Variants in KY observed in about 807,000 individuals in gnomAD.
KY encodes the protein kyphoscoliosis peptidase.
In KY, 43 loss-of-function variants were observed where a neutral mutation model predicts 76.1. That is an observed-to-expected ratio of 0.57 (90% CI 0.44 to 0.73). KY has a LOEUF of 0.73. KY is among the 30% of genes least tolerant of loss of function. The probability of loss-of-function intolerance (pLI) is 0.00; values close to 1 mark genes in which losing one functional copy is unlikely to be tolerated. For synonymous variants in KY, 277 were observed against 326.2 expected (o/e 0.85, Z 1.63); for missense variants, 722 against 828.9 (o/e 0.87, Z 1.58).
chr3:134,601,742 G>A lies in KY; in HGVS notation c.*1837C>T, dbSNP rs1430121315. ...ACACCCCTTTTGCTCGAGGCCGCCG[G>A]CCTGTTGGATGATGGGCACCCTTGT... On this transcript the variant is annotated 3_prime_UTR_variant, in exon 11 of 11. Coordinates refer to ENST00000423778, the MANE Select transcript of KY (RefSeq NM_178554.6). 6.6e-6 allele frequency among the ~76,000 whole-genome samples: 1 copy of A among 152,244 alleles called. No individual in the cohort carries two copies. Among genetic ancestry groups the A allele is most frequent in the East Asian group, 1.9e-4 (1 of 5,198 alleles).
chr3:134,641,010 A>C (rs1965679703), intron 3 of KY: 1 of 151,890 alleles, frequency 6.6e-6, no homozygotes. Flanking sequence ...TGCTACCCCC[A>C]CCTTGCCCAT....
At chr3:134,648,698 C>T (rs140795751) in intron 1 of KY, among the ~76,000 whole-genome samples, 4 of 152,256 alleles carry the variant, frequency 2.6e-5, no homozygotes, top group African/African-American at 7.2e-5. Flanking sequence ...GCCTTCTTGT[C>T]CCCCTGACTC....
intron 9 of KY, 79 bp downstream of exon 9, chr3:134,610,116 C>T (rs1960100262): frequency 2.0e-6 from 3 of 1,476,436 alleles, no homozygotes; most frequent in South Asian, 2.5e-5. Flanking sequence ...TGGTCTTCTC[C>T]ACCTGCTGCT....
chr3:134,610,135 C>A, intron 9 of KY, 60 bp downstream of exon 9: 4 of 1,541,068 alleles, frequency 2.6e-6, no homozygotes, highest in Middle Eastern at 1.7e-4. Flanking sequence ...CTTCATGCTG[C>A]CTGGCACATC....
intron 10 of KY, chr3:134,607,629 A>G: frequency 1.0e-6 from 1 of 985,656 alleles, no homozygotes; most frequent in South Asian, 4.7e-5. Context: ...GGCATAAGAG[A>G]CAATCTTCCA....
chr3:134,630,618 C>G (rs1279039248), intron 3 of KY, among the ~76,000 whole-genome samples: 1 of 152,214 alleles, frequency 6.6e-6, no homozygotes, highest in Non-Finnish European at 1.5e-5. Context: ...TCATCCTAAA[C>G]ATCATACCAC....
At chr3:134,645,940 C>T (rs953396401) in intron 2 of KY, among the ~76,000 whole-genome samples, 9 of 152,158 alleles carry the variant, frequency 5.9e-5, no homozygotes, top group African/African-American at 2.2e-4. Context: ...CAGTGTATTT[C>T]AATCCTCTCC....
intron 2 of KY, among the ~76,000 whole-genome samples, chr3:134,646,464 C>A (rs1358083763): frequency 6.6e-6 from 1 of 152,138 alleles, no homozygotes; most frequent in Admixed American, 6.5e-5. Context: ...CCCCTGAGGG[C>A]AGTGTTCTTG....
intron 3 of KY, among the ~76,000 whole-genome samples, chr3:134,630,868 G>C (rs13089566): frequency 0.33 from 50,167 of 152,022 alleles, 8,604 homozygotes; most frequent in African/African-American, 0.37. Flanking sequence ...AAACAGTTTT[G>C]AGATAAATGG....
intron 8 of KY, among the ~76,000 whole-genome samples, chr3:134,614,242 G>T (rs1360339321): frequency 1.3e-5 from 2 of 152,156 alleles, no homozygotes; most frequent in Non-Finnish European, 2.9e-5. Context: ...ACCTCCTGAA[G>T]AGCTCCGACC....
rs567277595 is a variant in KY, at chr3:134,621,423, G to A, written c.484-566C>T. ...CCAGAAATGGACCCACATATCTACGGTTAGTGGATCTTTGACAAGGGTGTC... is the reference window on the plus strand; with the variant it reads ...CCAGAAATGGACCCACATATCTACGATTAGTGGATCTTTGACAAGGGTGTC... On this transcript the variant is annotated intron_variant, in intron 6 of 10. Transcript: ENST00000423778. Among the ~76,000 whole-genome samples the A allele has an allele frequency of 8.5e-5, 13 of 152,322 alleles. No individual in the cohort carries two copies. The East Asian group carries it at 2.3e-3, about 27-fold the overall frequency.
intron 4 of KY, 66 bp from the exon 5 acceptor site, chr3:134,627,884 C>CCACCAGAAGGTGAG: frequency 1.6e-6 from 2 of 1,283,110 alleles, no homozygotes; most frequent in Non-Finnish European, 2.3e-6. Context: ...GCACTGATGA[C>CCACCAGAAGGTGAG]TCACCTTCTG....
At chr3:134,611,119 G>A (rs1357945712) in intron 8 of KY, among the ~76,000 whole-genome samples, 1 of 152,180 alleles carries the variant, frequency 6.6e-6, no homozygotes, top group East Asian at 1.9e-4. Flanking sequence ...GCCTGCCCTG[G>A]CCACAATTCT....
intron 6 of KY, among the ~76,000 whole-genome samples, chr3:134,623,767 C>T (rs1201302383): frequency 3.3e-5 from 5 of 152,138 alleles, no homozygotes. Flanking sequence ...GGCGTCTGTC[C>T]TGATCTCACT....
intron 8 of KY, chr3:134,613,004 G>A (rs1440261746): frequency 6.5e-6 from 1 of 154,184 alleles, no homozygotes; most frequent in Non-Finnish European, 1.5e-5. Flanking sequence ...ATATTCTTCA[G>A]GAAATTACTT....
chr3:134,646,204 C>T (rs926033805), intron 2 of KY, among the ~76,000 whole-genome samples: 1 of 152,178 alleles, frequency 6.6e-6, no homozygotes, highest in East Asian at 1.9e-4. Context: ...GTTTTGTTAG[C>T]TTTGGCGTCT....
chr3:134,617,656 A>G (rs1961809398), intron 8 of KY, among the ~76,000 whole-genome samples: 2 of 152,194 alleles, frequency 1.3e-5, no homozygotes, highest in South Asian at 4.1e-4. Flanking sequence ...GGTATTTTTT[A>G]AATTTAAAAA....
intron 3 of KY, among the ~76,000 whole-genome samples, chr3:134,637,964 T>C (rs1026671555): frequency 2.6e-5 from 4 of 152,242 alleles, no homozygotes; most frequent in African/African-American, 9.6e-5. Context: ...CTTTCTGTGA[T>C]TCCTCTTCCC....
intron 3 of KY, among the ~76,000 whole-genome samples, chr3:134,642,007 C>T (rs1965824815): frequency 6.6e-6 from 1 of 152,126 alleles, no homozygotes; most frequent in Admixed American, 6.5e-5. Flanking sequence ...ATGGGCTTGT[C>T]CTTGTAGTTC....
Sources: allele counts gnomAD v4.1 joint callset (sites outside exome capture counted in the v4.1 genomes callset), GRCh38; gene constraint gnomAD v4.1.1; transcripts MANE v1.5; gene names NCBI Gene and HGNC (gene_info 2026-07-23, HGNC 2026-07-21).